The following LARP6 variants were observed in gnomAD, a reference collection of about 807,000 sequenced individuals.
The protein encoded by LARP6 is la-related protein 6.
In LARP6, 18 loss-of-function variants were observed where a neutral mutation model predicts 32.8. The observed-to-expected ratio is 0.55, with a 90% CI of 0.38 to 0.81. LARP6 has a LOEUF of 0.81. Among genes scored for constraint, LARP6 ranks in the 40% least tolerant of loss-of-function variants. The probability of loss-of-function intolerance (pLI) is 0.00; values close to 1 mark genes in which losing one functional copy is unlikely to be tolerated. For missense variants in LARP6, 598 were observed against 663.1 expected (o/e 0.90, Z 1.08); for synonymous variants, 289 against 267.2 (o/e 1.08, Z -0.80).
Position 70,853,875 on chromosome 15 carries a change from G to A in LARP6, c.200+14C>T. 5 of 1,263,840 alleles carry A rather than the reference G, an allele frequency of 4.0e-6. No homozygotes were observed. Among genetic ancestry groups the A allele is most frequent in the Non-Finnish European group, 5.0e-6 (5 of 1,005,172 alleles). 78.3% of individuals were successfully genotyped at this position (1,263,840 alleles called of 1,614,324 possible). A position where few individuals can be genotyped will look rare whatever the true frequency, so the allele number is the denominator to read the frequency against. On this transcript the variant is annotated intron_variant, in intron 1 of 2. Transcript: ENST00000299213. Reference sequence around the variant, plus strand: ...CCCTCGGGGCCCACCTCCCGGGCCAGCCGCCGCGCCTACCTGTGCCCGCGG... The same window carrying A: ...CCCTCGGGGCCCACCTCCCGGGCCAACCGCCGCGCCTACCTGTGCCCGCGG...
rs2032006920 is a variant in LARP6, at chr15:70,829,772, G to T, written c.*2280C>A. 2.6e-5 allele frequency: 4 copies of T among 151,660 alleles called. No homozygotes were observed. The highest frequency in any genetic ancestry group is 5.9e-5 in the Non-Finnish European group (4 of 67,716). The allele number at this position is 151,660 out of a possible 1,614,324, so 9.4% of individuals were successfully genotyped here. On this transcript the variant is annotated 3_prime_UTR_variant, in exon 3 of 3. Coordinates refer to ENST00000299213, the MANE Select transcript of LARP6 (RefSeq NM_018357.4). ...AGGGTTCTTTTATAATGTCACACAG[G>T]GCAATACGACCAAAGGAAGGCCAAG...
At chr15:70,851,475 C>G in intron 1 of LARP6, 2 of 1,350,862 alleles carry the variant, frequency 1.5e-6, no homozygotes, top group Non-Finnish European at 1.9e-6. Context: ...ATTCTGTTCC[C>G]TTATATAAGC....
chr15:70,837,548 C>T lies in LARP6; in HGVS notation c.201-1043G>A, dbSNP rs569906172. ...AGACAGTATAGCAGAGTTACTTGAC[C>T]TTTCGGTAAGATCATCCATATTTAT... On this transcript the variant is annotated intron_variant, in intron 1 of 2. Transcript: ENST00000299213. 1.1e-4 allele frequency among the ~76,000 whole-genome samples: 17 copies of T among 152,254 alleles called. No homozygotes were observed. In the South Asian group the frequency reaches 3.3e-3, roughly 30 times the overall value.
chr15:70,836,503 C>A lies in LARP6; in HGVS notation c.203G>T (p.Gly68Val), dbSNP rs2032151370. ...GTTCTCACCTCCACTTGCAGTGGTG[C>A]CACTGAGACCAGAAGGAGACACCGG... ...SEEEPSRGHS[G>V]TTASGGENER... The change falls in exon 2 of 3, where the codon GGC becomes GTC. Residue 68 changes from glycine to valine, a missense_variant and splice_region_variant. By Grantham distance (109) the Gly-to-Val change is moderately radical. Around this residue, in one of 3 missense-constraint regions of LARP6, gnomAD observed 161 missense variants for 148.6 expected, o/e 1.08. Coordinates refer to ENST00000299213, the MANE Select transcript of LARP6 (RefSeq NM_018357.4). The A allele has an allele frequency of 6.2e-7, 1 of 1,613,144 alleles. No homozygotes were observed. The highest frequency in any genetic ancestry group is 8.5e-7 in the Non-Finnish European group (1 of 1,179,076).
chr15:70,853,770 G>T, intron 1 of LARP6, 119 bp downstream of exon 1: 1 of 730,192 alleles, frequency 1.4e-6, no homozygotes, highest in Non-Finnish European at 1.8e-6. Flanking sequence ...CTTCCCCGGC[G>T]GCGGGGCTGA....
intron 2 of LARP6, among the ~76,000 whole-genome samples, chr15:70,833,920 G>T (rs1216340004): frequency 2.6e-5 from 4 of 152,162 alleles, no homozygotes; most frequent in Non-Finnish European, 5.9e-5. Flanking sequence ...GGTGGAAATT[G>T]TATCAATGTT....
chr15:70,854,036 A>C lies in LARP6; in HGVS notation c.53T>G (p.Ile18Ser). 6.9e-7 allele frequency: 1 copy of C among 1,446,490 alleles called. No homozygotes were observed. The highest frequency in any genetic ancestry group is 9.1e-7 in the Non-Finnish European group (1 of 1,093,080). 89.6% of individuals were successfully genotyped at this position (1,446,490 alleles called of 1,614,324 possible). A position where few individuals can be genotyped will look rare whatever the true frequency, so the allele number is the denominator to read the frequency against. Residue 18 changes from isoleucine to serine, a missense_variant, in exon 1 of 3, where the codon ATC becomes AGC. Transcript: ENST00000299213. The part of the protein sequence containing the change: ...ARPGPKTAVQ[I>S]RVAIQEAEDV... ...CTCGGCCTCCTGGATGGCGACGCGG[A>C]TCTGCACCGCCGTCTTGGGCCCGGG... is the stretch of plus-strand genomic sequence containing the variant.
At chr15:70,851,422 T>C (rs771889301) in intron 1 of LARP6, 2 of 1,218,082 alleles carry the variant, frequency 1.6e-6, no homozygotes, top group Non-Finnish European at 2.1e-6. Context: ...AGATGATCAA[T>C]AACATTTTAG....
intron 1 of LARP6, among the ~76,000 whole-genome samples, chr15:70,846,600 C>A (rs955967399): frequency 7.6e-6 from 1 of 131,624 alleles, no homozygotes; most frequent in African/African-American, 2.7e-5. Flanking sequence ...CAGAGTGAGA[C>A]CCTGTCTCAA....
At chr15:70,834,710 G>A (rs774346301) in intron 2 of LARP6, among the ~76,000 whole-genome samples, 3 of 152,236 alleles carry the variant, frequency 2.0e-5, no homozygotes, top group Non-Finnish European at 4.4e-5. Flanking sequence ...CTCGGTTACA[G>A]TCTGAGCATC....
chr15:70,836,483 C>T lies in LARP6; in HGVS notation c.223G>A (p.Glu75Lys). Residue 75 changes from glutamate to lysine, a missense_variant, in exon 2 of 3, where the codon GAG (glutamate) becomes AAG (lysine). By Grantham distance (56) the Glu-to-Lys change is moderately conservative. Transcript: ENST00000299213. The part of the protein sequence containing the change: ...GHSGTTASGG[E>K]NEREDLEQEW... ...TGCTCCAGGTCCTCACGCTCGTTCTCACCTCCACTTGCAGTGGTGCCACTG... is the reference window on the plus strand; with the variant it reads ...TGCTCCAGGTCCTCACGCTCGTTCTTACCTCCACTTGCAGTGGTGCCACTG... 1 of 1,614,194 alleles carries T rather than the reference C, an allele frequency of 6.2e-7. No individual in the cohort carries two copies.
At chr15:70,840,409 G>A (rs1384744514) in intron 1 of LARP6, among the ~76,000 whole-genome samples, 1 of 152,022 alleles carries the variant, frequency 6.6e-6, no homozygotes, top group Non-Finnish European at 1.5e-5. Context: ...GTGTGGTGGT[G>A]GTAGCCTGTA....
chr15:70,843,357 A>G (rs1036700181), intron 1 of LARP6, among the ~76,000 whole-genome samples: 15 of 152,242 alleles, frequency 9.9e-5, no homozygotes, highest in African/African-American at 3.6e-4. Context: ...AAAAACTAGA[A>G]TAAAATAGTA....
Position 70,832,939 on chromosome 15 carries a change from G to T in LARP6, c.589C>A (p.Leu197Met). 6.2e-7 allele frequency: 1 copy of T among 1,605,914 alleles called. No individual in the cohort carries two copies. Among genetic ancestry groups the T allele is most frequent in the Admixed American group, 1.7e-5 (1 of 59,180 alleles). ...LVYDLYLSPK[L>M]WALATPQKNG... ...TTCTGGGGGGTGGCCAGAGCCCACA[G>T]CTTAGGAGACAAGTAGAGATCATAG... Residue 197 changes from leucine to methionine, a missense_variant, in exon 3 of 3, where the codon CTG (leucine) becomes ATG (methionine). Physicochemically the swap from Leu to Met is conservative, Grantham distance 15 (BLOSUM62 2). Around this residue, in one of 3 missense-constraint regions of LARP6, gnomAD observed 368 missense variants for 397.9 expected, o/e 0.92. Transcript: ENST00000299213.
chr15:70,847,935 G>C (rs2032376691), intron 1 of LARP6, among the ~76,000 whole-genome samples: 1 of 151,440 alleles, frequency 6.6e-6, no homozygotes, highest in Non-Finnish European at 1.5e-5. Flanking sequence ...AATAAGGAAG[G>C]TACCAAACAC....
Position 70,830,517 on chromosome 15 carries a change from T to C in LARP6, c.*1535A>G, listed in dbSNP as rs1040926477. The C allele has an allele frequency of 6.6e-6, 1 of 152,250 alleles. No individual in the cohort carries two copies. Among genetic ancestry groups the C allele is most frequent in the Non-Finnish European group, 1.5e-5 (1 of 68,042 alleles). The allele number at this position is 152,250 out of a possible 1,614,324, so 9.4% of individuals were successfully genotyped here. A position where few individuals can be genotyped will look rare whatever the true frequency, so the allele number is the denominator to read the frequency against. ...TGAGTACCACTTAGTGGTTAAACAG[T>C]GTGGGCTCCAAAGCCAGACCACTAG... On this transcript the variant is annotated 3_prime_UTR_variant, in exon 3 of 3. Coordinates refer to ENST00000299213, the MANE Select transcript of LARP6 (RefSeq NM_018357.4).
chr15:70,851,308 G>A, intron 1 of LARP6: 1 of 316,932 alleles, frequency 3.2e-6, no homozygotes, highest in Non-Finnish European at 5.1e-6. Context: ...GTATATGAAT[G>A]CTCATAGTAC....
rs994872336 is a variant in LARP6, at chr15:70,841,792, G to A, written c.201-5287C>T. On this transcript the variant is annotated intron_variant, in intron 1 of 2. Coordinates refer to ENST00000299213, the MANE Select transcript of LARP6 (RefSeq NM_018357.4). Reference sequence around the variant, plus strand: ...AGCTTCCTGAGGCCTCCCCAGAAGTGGATGCTAGTGCCATGCTTCCTATAC... The same window carrying A: ...AGCTTCCTGAGGCCTCCCCAGAAGTAGATGCTAGTGCCATGCTTCCTATAC... Among the ~76,000 whole-genome samples the A allele has an allele frequency of 4.6e-5, 7 of 151,936 alleles. No individual in the cohort carries two copies. In the East Asian group the frequency reaches 5.8e-4, roughly 13 times the overall value.
chr15:70,851,630 A>G (rs762754348), intron 1 of LARP6: 5 of 1,612,416 alleles, frequency 3.1e-6, no homozygotes, highest in Non-Finnish European at 4.2e-6. Context: ...TTCAGTCAAC[A>G]AACATGTCCT....
Sources: allele counts gnomAD v4.1 joint callset (sites outside exome capture counted in the v4.1 genomes callset), GRCh38; gene constraint gnomAD v4.1.1; regional missense constraint gnomAD v4.1.1; transcripts MANE v1.5; gene names NCBI Gene and HGNC (gene_info 2026-07-23, HGNC 2026-07-21).